MCF2L2: variants seen among roughly 807,000 people sequenced by gnomAD.
MCF2L2 encodes the protein probable guanine nucleotide exchange factor MCF2L2.
MCF2L2 carries 102 observed loss-of-function variants against 150.2 expected under a neutral mutation model. The ratio of observed to expected loss-of-function variants is 0.68; its 90% CI spans 0.58 to 0.80. The LOEUF (loss-of-function observed/expected upper bound fraction) is 0.80. Ranked by LOEUF, MCF2L2 falls within the 30% of genes least tolerant of loss-of-function variation. The pLI, the probability that MCF2L2 is intolerant of heterozygous loss-of-function variation, is 0.00. For synonymous variants in MCF2L2, 465 were observed against 491.3 expected (o/e 0.95, Z 0.71); for missense variants, 1,256 against 1,372.8 (o/e 0.91, Z 1.34).
At chr3:183,247,759 A>G (rs1724321699) in intron 15 of MCF2L2, among the ~76,000 whole-genome samples, 1 of 152,230 alleles carries the variant, frequency 6.6e-6, no homozygotes, top group South Asian at 2.1e-4. Context: ...ATTAGGTATT[A>G]TAAGTAATCC....
intron 22 of MCF2L2, among the ~76,000 whole-genome samples, chr3:183,209,291 T>A (rs1466399723): frequency 6.6e-6 from 1 of 152,220 alleles, no homozygotes; most frequent in Non-Finnish European, 1.5e-5. Flanking sequence ...TAGAAGTAGA[T>A]ACTTAATATT....
chr3:183,218,281 G>C lies in MCF2L2; in HGVS notation c.2370+1575C>G, dbSNP rs75314828. ...TTCTCATTCATAATAAAGAAGCTTCGCTTCCTGGTAAAAGAAAACAGACTC... is the reference window on the plus strand; with the variant it reads ...TTCTCATTCATAATAAAGAAGCTTCCCTTCCTGGTAAAAGAAAACAGACTC... On this transcript the variant is annotated intron_variant, in intron 21 of 29. Coordinates refer to ENST00000328913, the MANE Select transcript of MCF2L2 (RefSeq NM_015078.4). Among the ~76,000 whole-genome samples, 1,145 of 152,312 alleles carry C rather than the reference G, an allele frequency of 7.5e-3. 6 individuals are homozygous for C. Among genetic ancestry groups the C allele is most frequent in the African/African-American group, 0.026 (1,098 of 41,564 alleles).
intron 15 of MCF2L2, among the ~76,000 whole-genome samples, chr3:183,268,444 G>T (rs1381076722): frequency 1.3e-5 from 2 of 151,932 alleles, no homozygotes; most frequent in Admixed American, 1.3e-4. Context: ...ACATGAAGGG[G>T]TGAAGAGAGA....
At chr3:183,235,698 T>C (rs1421992186) in intron 15 of MCF2L2, among the ~76,000 whole-genome samples, 1 of 106,252 alleles carries the variant, frequency 9.4e-6, no homozygotes, top group Admixed American at 8.9e-5. Flanking sequence ...AGCTCTTTAG[T>C]TTAATTAGAT....
intron 15 of MCF2L2, among the ~76,000 whole-genome samples, chr3:183,246,182 A>G (rs1724244547): frequency 6.6e-6 from 1 of 152,158 alleles, no homozygotes; most frequent in African/African-American, 2.4e-5. Flanking sequence ...GTTTTTTTTA[A>G]TTGTGGTAAG....
chr3:183,294,633 A>ATATTT (rs1553776075), intron 13 of MCF2L2, among the ~76,000 whole-genome samples: 7 of 129,860 alleles, frequency 5.4e-5, no homozygotes, highest in African/African-American at 1.8e-4. Context: ...ATATATATAT[A>ATATTT]TTTTTTTTTT....
At chr3:183,342,828 T>C (rs990162865) in intron 3 of MCF2L2, among the ~76,000 whole-genome samples, 2 of 152,190 alleles carry the variant, frequency 1.3e-5, no homozygotes, top group African/African-American at 4.8e-5. Context: ...TGATAAGTAG[T>C]TGGCCTATAG....
intron 22 of MCF2L2, among the ~76,000 whole-genome samples, chr3:183,209,559 G>A (rs907568139): frequency 7.2e-5 from 11 of 152,084 alleles, no homozygotes; most frequent in African/African-American, 2.4e-4. Flanking sequence ...CACGACCTTG[G>A]CTCACCGCAA....
chr3:183,195,131 G>A, intron 26 of MCF2L2, 91 bp downstream of exon 26: 1 of 1,075,478 alleles, frequency 9.3e-7, no homozygotes, highest in Non-Finnish European at 1.4e-6. Flanking sequence ...AAGTGTTGGG[G>A]GAAGAAAAGC....
chr3:183,375,058 AAT>A (rs1207391774), intron 3 of MCF2L2: 1 of 150,452 alleles, frequency 6.6e-6, no homozygotes, highest in East Asian at 2.0e-4. Flanking sequence ...ATACCATAAC[AAT>A]ATATGTTTTC....
In MCF2L2 at chr3:183,296,916, A is replaced by G. The variant is rs144178181; in HGVS notation, c.1497+60T>C. 4.3e-3 allele frequency: 6,607 copies of G among 1,529,172 alleles called. 29 individuals carry two copies. Among genetic ancestry groups the G allele is most frequent in the Middle Eastern group, 0.038 (216 of 5,736 alleles). The allele number at this position is 1,529,172 out of a possible 1,614,324, so 94.7% of individuals were successfully genotyped here. A position where few individuals can be genotyped will look rare whatever the true frequency, so the allele number is the denominator to read the frequency against. Reference sequence around the variant, plus strand: ...GTGTACTTTATCAGGAAGAAGGTACAGTCCCTCCCTCCCCTATCCGTTTCC... The same window carrying G: ...GTGTACTTTATCAGGAAGAAGGTACGGTCCCTCCCTCCCCTATCCGTTTCC... On this transcript the variant is annotated intron_variant, in intron 12 of 29. Transcript: ENST00000328913.
chr3:183,372,602 G>T (rs562898230), intron 3 of MCF2L2: 3 of 152,314 alleles, frequency 2.0e-5, no homozygotes, highest in African/African-American at 7.2e-5. Context: ...TGAGGCAGGA[G>T]AATCACTTGA....
chr3:183,297,022 T>C lies in MCF2L2; in HGVS notation c.1451A>G (p.Lys484Arg), dbSNP rs192458775. 52 of 1,614,130 alleles carry C rather than the reference T, an allele frequency of 3.2e-5. No individual in the cohort carries two copies. Among genetic ancestry groups the C allele is most frequent in the Non-Finnish European group, 4.2e-5 (50 of 1,180,002 alleles). Residue 484 changes from lysine (K) to arginine (R), a missense_variant, in exon 12 of 30, where the codon AAG becomes AGG. By Grantham distance (26) the Lys-to-Arg change is conservative. Coordinates refer to ENST00000328913, the MANE Select transcript of MCF2L2 (RefSeq NM_015078.4). ...TVKEYPLLSP[K>R]EFYNEFELLL... ...CAACTCAAACTCGTTGTAAAACTCC[T>C]TGGGGCTGAGCAACGGGTACTCCTT...
chr3:183,282,501 A>C (rs1577021441), intron 14 of MCF2L2, among the ~76,000 whole-genome samples: 1 of 152,362 alleles, frequency 6.6e-6, no homozygotes, highest in African/African-American at 2.4e-5. Context: ...CAAATGTTTT[A>C]ATAAATTTGC....
chr3:183,307,323 G>A (rs1729146886), intron 10 of MCF2L2, among the ~76,000 whole-genome samples: 1 of 152,192 alleles, frequency 6.6e-6, no homozygotes, highest in Non-Finnish European at 1.5e-5. Flanking sequence ...CTAATCATCT[G>A]AAGAAGCCAT....
chr3:183,327,456 C>T (rs1312741735), intron 5 of MCF2L2, among the ~76,000 whole-genome samples: 2 of 152,236 alleles, frequency 1.3e-5, no homozygotes, highest in African/African-American at 4.8e-5. Flanking sequence ...AAAACTACAA[C>T]CTGGCACACA....
In MCF2L2 at chr3:183,427,973, A is replaced by G. The variant is rs1317207544; in HGVS notation, c.5T>C (p.Leu2Pro). 6 of 1,612,878 alleles carry G rather than the reference A, an allele frequency of 3.7e-6. No individual in the cohort carries two copies. Among genetic ancestry groups the G allele is most frequent in the Non-Finnish European group, 5.1e-6 (6 of 1,178,842 alleles). Residue 2 changes from leucine to proline, a missense_variant, in exon 1 of 30, where the codon CTG becomes CCG. Transcript: ENST00000328913. M[L>P]SCLKEEMPPQ... Reference sequence around the variant, plus strand: ...AGGCATCTCTTCTTTTAAGCAAGACAGCATTTCACTGAAAAACCATTCCGT... The same window carrying G: ...AGGCATCTCTTCTTTTAAGCAAGACGGCATTTCACTGAAAAACCATTCCGT...
intron 13 of MCF2L2, among the ~76,000 whole-genome samples, chr3:183,294,542 T>C (rs1011432263): frequency 3.5e-5 from 5 of 144,472 alleles, no homozygotes; most frequent in Admixed American, 7.0e-5. Flanking sequence ...TATATATGTA[T>C]ATATATGTAT....
At chr3:183,406,233 G>C (rs1455724959) in intron 1 of MCF2L2, among the ~76,000 whole-genome samples, 2 of 152,104 alleles carry the variant, frequency 1.3e-5, no homozygotes, top group Non-Finnish European at 2.9e-5. Flanking sequence ...CCAGTCCCTT[G>C]TCATCTTCAC....
Sources: allele counts gnomAD v4.1 joint callset (sites outside exome capture counted in the v4.1 genomes callset), GRCh38; gene constraint gnomAD v4.1.1; transcripts MANE v1.5; gene names NCBI Gene and HGNC (gene_info 2026-07-23, HGNC 2026-07-21).